Variants in MYL12A observed in about 807,000 individuals in gnomAD.
The protein encoded by MYL12A is myosin light chain 12A.
MYL12A carries 11 observed loss-of-function variants against 13.3 expected under a neutral mutation model. The ratio of observed to expected loss-of-function variants is 0.83; its 90% CI spans 0.52 to 1.37. The LOEUF (loss-of-function observed/expected upper bound fraction) is 1.37. Ranked by LOEUF, MYL12A falls within the 40% of genes most tolerant of loss-of-function variation. The pLI, the probability that MYL12A is intolerant of heterozygous loss-of-function variation, is 0.00. For missense variants in MYL12A, 146 were observed against 212.3 expected (o/e 0.69, Z 1.94); for synonymous variants, 51 against 69.9 (o/e 0.73, Z 1.35).
chr18:3,255,591 C>A (rs2081528611), intron 3 of MYL12A, 155 bp from the exon 4 acceptor site: 2 of 913,588 alleles, frequency 2.2e-6, no homozygotes, highest in African/African-American at 1.7e-5. Flanking sequence ...CACTTCTCTG[C>A]TGAGGCTGTT....
chr18:3,252,746 A>G (rs1365360073), intron 1 of MYL12A, among the ~76,000 whole-genome samples: 2 of 152,208 alleles, frequency 1.3e-5, no homozygotes, highest in South Asian at 2.1e-4. Flanking sequence ...TGAGGGTACA[A>G]TAAAAAATGT....
At chr18:3,253,525 A>AT in intron 2 of MYL12A, 97 bp downstream of exon 2, 4 of 1,409,868 alleles carry the variant, frequency 2.8e-6, no homozygotes, top group Non-Finnish European at 3.9e-6. Flanking sequence ...AGCCTGTCTA[A>AT]TGAGTCTACT....
At chr18:3,250,543 C>T (rs983697465) in intron 1 of MYL12A, among the ~76,000 whole-genome samples, 4 of 152,200 alleles carry the variant, frequency 2.6e-5, no homozygotes, top group African/African-American at 9.7e-5. Context: ...AACTCCCTAT[C>T]GCTGAAAGGT....
At chr18:3,255,322 C>T (rs2081525813) in intron 3 of MYL12A, 1 of 153,420 alleles carries the variant, frequency 6.5e-6, no homozygotes. Flanking sequence ...TCCACTGTAC[C>T]ACTTTATTGA....
Position 3,253,262 on chromosome 18 carries a change from A to G in MYL12A, c.15A>G (p.Arg5=). 1 of 1,613,650 alleles carries G rather than the reference A, an allele frequency of 6.2e-7. No individual in the cohort carries two copies. Among genetic ancestry groups the G allele is most frequent in the South Asian group, 1.1e-5 (1 of 91,032 alleles). MSSK[R]TKTKTKKRPQ... ...TAACCACCACCATGTCGAGCAAAAG[A>G]ACAAAGACCAAGACCAAGAAGCGCC... is the stretch of plus-strand genomic sequence containing the variant. Residue 5 remains arginine, a synonymous_variant, in exon 2 of 4, where the codon AGA becomes AGG. Coordinates refer to ENST00000217652, the MANE Select transcript of MYL12A (RefSeq NM_006471.4).
chr18:3,248,200 A>G (rs1448714375), intron 1 of MYL12A: 2 of 152,110 alleles, frequency 1.3e-5, no homozygotes, highest in East Asian at 1.9e-4. Context: ...CTCCGGGACT[A>G]TTTTAGTTTC....
intron 1 of MYL12A, chr18:3,252,202 G>T (rs1053851146): frequency 1.3e-6 from 1 of 742,566 alleles, no homozygotes. Context: ...TGTTATCCTG[G>T]TCAGAGTGAA....
chr18:3,254,236 A>G (rs1323265420), intron 3 of MYL12A, among the ~76,000 whole-genome samples, 186 bp downstream of exon 3: 1 of 152,228 alleles, frequency 6.6e-6, no homozygotes, highest in Non-Finnish European at 1.5e-5. Context: ...GTTTACAATG[A>G]ATAGGTTGTA....
At chr18:3,251,510 G>A (rs925523501) in intron 1 of MYL12A, among the ~76,000 whole-genome samples, 7 of 152,178 alleles carry the variant, frequency 4.6e-5, no homozygotes, top group Non-Finnish European at 7.3e-5. Context: ...AAGCGATATG[G>A]ACTGGTAAAC....
chr18:3,250,522 C>T (rs1436906494), intron 1 of MYL12A, among the ~76,000 whole-genome samples: 2 of 152,210 alleles, frequency 1.3e-5, no homozygotes, highest in Non-Finnish European at 2.9e-5. Flanking sequence ...GGAACAGTGA[C>T]TGTGCAGCCA....
At chr18:3,255,217 C>T (rs914272642) in intron 3 of MYL12A, among the ~76,000 whole-genome samples, 4 of 152,152 alleles carry the variant, frequency 2.6e-5, no homozygotes, top group Non-Finnish European at 5.9e-5. Context: ...GTAAAAATCT[C>T]ATTTTACATC....
rs11539725 is a variant in MYL12A at position 3,253,416 on chromosome 18, C to T, written c.169C>T (p.Leu57Phe). 1 of 1,613,326 alleles carries T rather than the reference C, an allele frequency of 6.2e-7. No individual in the cohort carries two copies. Among genetic ancestry groups the T allele is most frequent in the Non-Finnish European group, 8.5e-7 (1 of 1,179,522 alleles). The change falls in exon 2 of 4, where the codon CTT becomes TTT. Residue 57 changes from leucine (L) to phenylalanine (F), a missense_variant. Transcript: ENST00000217652. The part of the protein sequence containing the change: ...FIDKEDLHDM[L>F]ASLGKNPTDE... ...CGACAAGGAAGATTTGCATGATATG[C>T]TTGCTTCATTGGGTAATGCTCAGTT...
intron 1 of MYL12A, chr18:3,248,664 C>T (rs1340491115): frequency 1.3e-5 from 2 of 152,150 alleles, no homozygotes; most frequent in Admixed American, 6.5e-5. Flanking sequence ...GTTTCATGTT[C>T]TGGAAGGGCT....
intron 1 of MYL12A, among the ~76,000 whole-genome samples, chr18:3,250,539 C>T (rs2081474621): frequency 6.6e-6 from 1 of 152,226 alleles, no homozygotes; most frequent in Non-Finnish European, 1.5e-5. Flanking sequence ...GCCAAACTCC[C>T]TATCGCTGAA....
chr18:3,254,152 C>G, intron 3 of MYL12A, 102 bp downstream of exon 3: 2 of 1,319,980 alleles, frequency 1.5e-6, no homozygotes, highest in South Asian at 1.4e-5. Context: ...CAGGTTTGTA[C>G]TACACCTATT....
chr18:3,247,701 C>T (rs2081442139), upstream of MYL12A: 1 of 152,332 alleles, frequency 6.6e-6, no homozygotes, highest in South Asian at 2.1e-4. Flanking sequence ...AATACCACGC[C>T]CGCTGACCAC....
chr18:3,254,393 C>T (rs2081517732), intron 3 of MYL12A, among the ~76,000 whole-genome samples: 1 of 152,196 alleles, frequency 6.6e-6, no homozygotes, highest in Admixed American at 6.5e-5. Context: ...CCATGCACCA[C>T]TACAATCCTG....
rs117019930 is a variant in MYL12A at position 3,253,713 on chromosome 18, G to C, written c.182-176G>C. 6.4e-4 allele frequency: 476 copies of C among 743,628 alleles called. 1 individual carries two copies. Among genetic ancestry groups the C allele is most frequent in the Non-Finnish European group, 9.8e-4 (452 of 463,472 alleles). The allele number at this position is 743,628 out of a possible 1,614,324, so 46.1% of individuals were successfully genotyped here. A position where few individuals can be genotyped will look rare whatever the true frequency, so the allele number is the denominator to read the frequency against. Reference sequence around the variant, plus strand: ...CCAATGGACTATCATATACTTTCCAGACTCTTTAATAGGCCCTATTCATTA... The same window carrying C: ...CCAATGGACTATCATATACTTTCCACACTCTTTAATAGGCCCTATTCATTA... On this transcript the variant is annotated intron_variant, in intron 2 of 3. Coordinates refer to ENST00000217652, the MANE Select transcript of MYL12A (RefSeq NM_006471.4).
chr18:3,252,599 T>G, intron 1 of MYL12A: 1 of 620,602 alleles, frequency 1.6e-6, no homozygotes. Context: ...AGTGATTTAG[T>G]GTGACTGTAA....
Sources: gnomAD v4.1 joint callset for allele counts (sites outside exome capture counted in the v4.1 genomes callset) on GRCh38, gnomAD v4.1.1 for gene constraint, MANE v1.5 for transcripts, NCBI Gene and HGNC (gene_info 2026-07-23, HGNC 2026-07-21) for gene names.